Variants in DRC11 observed in about 807,000 individuals in gnomAD.
The protein encoded by DRC11 is dynein regulatory complex subunit 11.
chr2:236,432,644 A>G, the DRC11 span, among the ~76,000 whole-genome samples: 1 of 152,072 alleles, frequency 6.6e-6, no homozygotes, highest in Admixed American at 6.5e-5. Flanking sequence ...AGTTCCTTAC[A>G]TATTAGAAGA....
At chr2:236,507,083 T>C in the DRC11 span, among the ~76,000 whole-genome samples, 1 of 151,816 alleles carries the variant, frequency 6.6e-6, no homozygotes, top group South Asian at 2.1e-4. Context: ...AAGCAGATAC[T>C]CTATCCCGAG....
At chr2:236,421,045 C>T in the DRC11 span, among the ~76,000 whole-genome samples, 2 of 152,122 alleles carry the variant, frequency 1.3e-5, no homozygotes, top group Non-Finnish European at 2.9e-5. Context: ...TTGTTGGTTG[C>T]AAAGAACATC....
chr2:236,313,361 A>C, the DRC11 span, among the ~76,000 whole-genome samples: 3 of 152,236 alleles, frequency 2.0e-5, no homozygotes, highest in African/African-American at 7.2e-5. The surrounding 1 kb of genome is among the most constrained non-coding windows in gnomAD (Gnocchi z 4.5). Flanking sequence ...ATTATCAATC[A>C]ATCAATTATT....
chr2:236,406,910 TA>T, the DRC11 span, among the ~76,000 whole-genome samples: 1 of 152,114 alleles, frequency 6.6e-6, no homozygotes, highest in Admixed American at 6.6e-5. The surrounding 1 kb of genome is among the most constrained non-coding windows in gnomAD (Gnocchi z 4.7). Flanking sequence ...CACGCCTGGC[TA>T]ATTTTTTGTA....
At chr2:236,415,375 C>G in the DRC11 span, among the ~76,000 whole-genome samples, 1 of 152,162 alleles carries the variant, frequency 6.6e-6, no homozygotes, top group African/African-American at 2.4e-5. The surrounding 1 kb of genome is among the most constrained non-coding windows in gnomAD (Gnocchi z 5.7). Context: ...CCCTTGCCCT[C>G]TAACCATGAG....
At chr2:236,452,395 T>C in the DRC11 span, among the ~76,000 whole-genome samples, 2 of 152,314 alleles carry the variant, frequency 1.3e-5, no homozygotes, top group Middle Eastern at 3.4e-3. This position sits in a 1 kb window ranked among gnomAD's most constrained non-coding sequence, Gnocchi z 4.7. Context: ...ATGAAAAATA[T>C]GTGGATGGAG....
At chr2:236,355,927 C>A in the DRC11 span, among the ~76,000 whole-genome samples, 1 of 152,126 alleles carries the variant, frequency 6.6e-6, no homozygotes, top group African/African-American at 2.4e-5. Flanking sequence ...CACCACACAC[C>A]ACATCTGGGC....
At chr2:236,320,813 TCCGCCGGTCCCTCCGCCGGTACCCCC>T in the DRC11 span, among the ~76,000 whole-genome samples, 2 of 130,474 alleles carry the variant, frequency 1.5e-5, no homozygotes, top group Non-Finnish European at 3.7e-5. Flanking sequence ...TACAGCTCCC[TCCGCCGGTCCCTCCGCCGGTACCCCC>T]CCGCCCCCCG....
chr2:236,356,860 T>G, the DRC11 span, among the ~76,000 whole-genome samples: 1 of 148,818 alleles, frequency 6.7e-6, no homozygotes, highest in African/African-American at 2.5e-5. Context: ...GTTCATCATT[T>G]GTCAAATATT....
chr2:236,340,008 T>C, the DRC11 span, among the ~76,000 whole-genome samples: 20 of 152,384 alleles, frequency 1.3e-4, no homozygotes, highest in Non-Finnish European at 5.9e-5. Context: ...CTTAACAAGA[T>C]TAAGTCTTTC....
chr2:236,467,713 C>T, the DRC11 span, among the ~76,000 whole-genome samples: 1 of 152,106 alleles, frequency 6.6e-6, no homozygotes, highest in African/African-American at 2.4e-5. Flanking sequence ...ATTTTGAAAG[C>T]TGTGAAACAA....
chr2:236,425,400 G>A, the DRC11 span, among the ~76,000 whole-genome samples: 10 of 151,844 alleles, frequency 6.6e-5, no homozygotes, highest in African/African-American at 7.3e-5. Context: ...TGTCTGTTGC[G>A]TTCAGCATTT....
chr2:236,426,323 G>A, the DRC11 span, among the ~76,000 whole-genome samples: 1 of 151,790 alleles, frequency 6.6e-6, no homozygotes, highest in Non-Finnish European at 1.5e-5. This position sits in a 1 kb window ranked among gnomAD's most constrained non-coding sequence, Gnocchi z 4.1. Flanking sequence ...CCAATGTTTT[G>A]CATGTTTTGT....
chr2:236,380,137 CTGAGAAA>C, the DRC11 span, among the ~76,000 whole-genome samples: 1 of 152,190 alleles, frequency 6.6e-6, no homozygotes, highest in African/African-American at 2.4e-5. This position sits in a 1 kb window ranked among gnomAD's most constrained non-coding sequence, Gnocchi z 4.9. Context: ...CCATGAAGCT[CTGAGAAA>C]GGACACCGCC....
chr2:236,411,868 G>T, the DRC11 span, among the ~76,000 whole-genome samples: 1 of 141,142 alleles, frequency 7.1e-6, no homozygotes, highest in Non-Finnish European at 1.5e-5. Context: ...GACAGAGGAA[G>T]GGGAACATCA....
At chr2:236,427,485 C>T in the DRC11 span, among the ~76,000 whole-genome samples, 1 of 151,902 alleles carries the variant, frequency 6.6e-6, no homozygotes, top group Non-Finnish European at 1.5e-5. The surrounding 1 kb of genome is among the most constrained non-coding windows in gnomAD (Gnocchi z 5.9). Flanking sequence ...CATGATTAGT[C>T]CTGTTGTTGT....
At chr2:236,354,192 A>G in the DRC11 span, among the ~76,000 whole-genome samples, 1 of 90,496 alleles carries the variant, frequency 1.1e-5, no homozygotes, top group South Asian at 2.8e-4. Flanking sequence ...TCTGTGGTCA[A>G]TGTGTGTGTG....
At chr2:236,337,294 T>C in the DRC11 span, among the ~76,000 whole-genome samples, 1 of 152,090 alleles carries the variant, frequency 6.6e-6, no homozygotes, top group Non-Finnish European at 1.5e-5. This position sits in a 1 kb window ranked among gnomAD's most constrained non-coding sequence, Gnocchi z 4.9. Flanking sequence ...CAGCACTAGA[T>C]AGCAGAACGG....
the DRC11 span, among the ~76,000 whole-genome samples, chr2:236,311,230 C>T: frequency 1.3e-5 from 2 of 152,224 alleles, no homozygotes; most frequent in Non-Finnish European, 2.9e-5. This position sits in a 1 kb window ranked among gnomAD's most constrained non-coding sequence, Gnocchi z 6.9. Flanking sequence ...GCCCCATATA[C>T]ACTCGAGCCT....
Sources: gnomAD v4.1 joint callset for allele counts (sites outside exome capture counted in the v4.1 genomes callset) on GRCh38, gnomAD v4.1.1 for gene constraint, Gnocchi (gnomAD v3.1) non-coding constraint, MANE v1.5 for transcripts, NCBI Gene and HGNC (gene_info 2026-07-23, HGNC 2026-07-21) for gene names.